Variants in DSCAML1 observed in about 807,000 individuals in gnomAD.
DSCAML1 encodes cell adhesion molecule DSCAML1.
DSCAML1 carries 38 observed loss-of-function variants against 200.5 expected under a neutral mutation model. That is an observed-to-expected ratio of 0.19 (90% CI 0.15 to 0.25). The LOEUF (loss-of-function observed/expected upper bound fraction) is 0.25, where lower values mean the gene tolerates loss of function less well. Among genes scored for constraint, DSCAML1 ranks in the 10% least tolerant of loss-of-function variants. DSCAML1 has a pLI of 1.00. For missense variants in DSCAML1, 2,223 were observed against 2,858.8 expected, an observed-to-expected ratio of 0.78 and a Z score of 5.07; for synonymous variants, 1,215 against 1,165.0, an observed-to-expected ratio of 1.04 and a Z score of -0.87.
At chr11:117,701,930 A>T (rs978956974) in intron 3 of DSCAML1, among the ~76,000 whole-genome samples, 10 of 152,192 alleles carry the variant, frequency 6.6e-5, no homozygotes, top group African/African-American at 2.4e-4. Flanking sequence ...GGTGCAGGGT[A>T]AACAGACAGC....
chr11:117,592,427 G>C (rs2051276241), intron 3 of DSCAML1, among the ~76,000 whole-genome samples: 1 of 152,064 alleles, frequency 6.6e-6, no homozygotes, highest in African/African-American at 2.4e-5. Flanking sequence ...GCATGTCCAG[G>C]CTCTTCCATT....
intron 3 of DSCAML1, 36 bp from the exon 4 acceptor site, chr11:117,532,558 C>T (rs1334415365): frequency 6.9e-6 from 11 of 1,596,470 alleles, no homozygotes; most frequent in Middle Eastern, 1.7e-4. Context: ...CGTTACTTCC[C>T]GGTTTCGTAC....
Position 117,428,707 on chromosome 11 carries a change from G to T in DSCAML1, c.5783C>A (p.Ala1928Asp), listed in dbSNP as rs1221202658. The change falls in exon 33 of 33, where the codon GCC (alanine) becomes GAC (aspartate). Residue 1928 changes from alanine (A) to aspartate (D), a missense_variant. This residue lies in a region of DSCAML1 where 280 missense variants were observed against 213.4 expected (regional missense o/e 1.31). Transcript: ENST00000651296. ...GGTTCGAGCCAGGTTCCGGATGGAG[G>T]CCTCACGGGGTGGGACCACGGGGCA... ...EPCPVVPPRE[A>D]SIRNLARTYH... 1 of 1,613,216 alleles carries T rather than the reference G, an allele frequency of 6.2e-7. No individual in the cohort carries two copies. The highest frequency in any genetic ancestry group is 1.7e-5 in the Admixed American group (1 of 59,932).
intron 11 of DSCAML1, among the ~76,000 whole-genome samples, chr11:117,486,031 A>G (rs929281117): frequency 4.6e-5 from 7 of 152,372 alleles, no homozygotes; most frequent in African/African-American, 1.7e-4. Context: ...GTGCCAGGTA[A>G]TAAGGACTAC....
At chr11:117,704,260 A>T (rs11828302) in intron 3 of DSCAML1, among the ~76,000 whole-genome samples, 9,044 of 152,004 alleles carry the variant, frequency 0.059, 382 homozygotes, top group East Asian at 0.13. Flanking sequence ...AATGATAAAA[A>T]CTTAATTATC....
intron 32 of DSCAML1, among the ~76,000 whole-genome samples, chr11:117,429,259 C>T (rs2047734094): frequency 6.6e-6 from 1 of 152,186 alleles, no homozygotes; most frequent in Non-Finnish European, 1.5e-5. Flanking sequence ...CCTGTCGCCT[C>T]CCCACCATGG....
chr11:117,475,159 C>T (rs1035283814), intron 14 of DSCAML1, among the ~76,000 whole-genome samples: 1 of 152,148 alleles, frequency 6.6e-6, no homozygotes, highest in African/African-American at 2.4e-5. Flanking sequence ...TCTTCCCTAG[C>T]TCTCCACGTG....
At chr11:117,698,238 T>C (rs546898942) in intron 3 of DSCAML1, among the ~76,000 whole-genome samples, 2 of 152,344 alleles carry the variant, frequency 1.3e-5, no homozygotes, top group African/African-American at 2.4e-5. Context: ...TTCAATTCTT[T>C]TGGGAATCTA....
Position 117,431,713 on chromosome 11 carries a change from T to C in DSCAML1, c.5195A>G (p.Lys1732Arg). ...IRPGTNPVSRKNVKSAHSTRN... is the reference protein window; with the variant it reads ...IRPGTNPVSRRNVKSAHSTRN... ...GGTGCTGTGGGCTGACTTCACATTC[T>C]TCCTGGACACTGGATCTGCACAGAC... The change falls in exon 31 of 33, where the codon AAG becomes AGG. Residue 1732 changes from lysine to arginine, a missense_variant. This residue lies in a region of DSCAML1 where 614 missense variants were observed against 739.1 expected (regional missense o/e 0.83). Coordinates refer to ENST00000651296, the MANE Select transcript of DSCAML1 (RefSeq NM_020693.4). The C allele has an allele frequency of 6.3e-7, 1 of 1,586,894 alleles. No homozygotes were observed. Among genetic ancestry groups the C allele is most frequent in the Non-Finnish European group, 8.6e-7 (1 of 1,164,520 alleles).
rs555002352 is a variant in DSCAML1, at chr11:117,815,861, C to T, written c.-250+1529G>A. On this transcript the variant is annotated intron_variant, in intron 1 of 2. Transcript: ENST00000525836. ...CGCCCTGCCAGGGGACCCTAAGTCT[C>T]CCTAAATTCTGAGCTTGCCTTCACA... Among the ~76,000 whole-genome samples the T allele has an allele frequency of 2.5e-4, 38 of 151,216 alleles. No homozygotes were observed. The South Asian group carries it at 2.7e-3, about 11-fold the overall frequency.
rs1214689953 is a variant in DSCAML1 at position 117,489,805 on chromosome 11, T to C, written c.2360-7643A>G. Among the ~76,000 whole-genome samples, 1 of 152,232 alleles carries C rather than the reference T, an allele frequency of 6.6e-6. No individual in the cohort carries two copies. ...CCTCTCCTGCGGGGCATCCCCTGCATGGCACGTGTCCTCCGGCAGCGTCCT... is the reference window on the plus strand; with the variant it reads ...CCTCTCCTGCGGGGCATCCCCTGCACGGCACGTGTCCTCCGGCAGCGTCCT... On this transcript the variant is annotated intron_variant, in intron 11 of 32. Coordinates refer to ENST00000651296, the MANE Select transcript of DSCAML1 (RefSeq NM_020693.4). This position sits in a 1 kb window ranked among gnomAD's most constrained non-coding sequence, Gnocchi z 4.8.
At chr11:117,691,133 TGA>T (rs539685951) in intron 3 of DSCAML1, among the ~76,000 whole-genome samples, 28 of 152,282 alleles carry the variant, frequency 1.8e-4, no homozygotes, top group African/African-American at 6.3e-4. Flanking sequence ...AGGGTGATAA[TGA>T]GTGGGCTGTC....
chr11:117,768,145 A>G (rs543094348), intron 3 of DSCAML1, among the ~76,000 whole-genome samples: 71 of 152,298 alleles, frequency 4.7e-4, no homozygotes, highest in African/African-American at 1.6e-3. Flanking sequence ...AAGCACTTGG[A>G]GCAAATTAGA....
At chr11:117,783,147 GT>G (rs1457445692) in intron 1 of DSCAML1, among the ~76,000 whole-genome samples, 1 of 152,138 alleles carries the variant, frequency 6.6e-6, no homozygotes, top group Non-Finnish European at 1.5e-5. Context: ...CCTGGGAGCG[GT>G]TTCTGTTGGA....
intron 23 of DSCAML1, 140 bp from the exon 24 acceptor site, chr11:117,439,123 T>C: frequency 7.3e-7 from 1 of 1,363,318 alleles, no homozygotes; most frequent in Non-Finnish European, 1.0e-6. Context: ...TGCCTCCCCT[T>C]CCATGTGCAC....
In DSCAML1 at chr11:117,480,672, A is replaced by G; in HGVS notation, c.2657-101T>C. On this transcript the variant is annotated intron_variant, in intron 13 of 32. Transcript: ENST00000651296. This position sits in a 1 kb window ranked among gnomAD's most constrained non-coding sequence, Gnocchi z 4.1. ...TGGCATCACCTGGGTCTAGCCAAGG[A>G]CTCTGGCACCCTAGGGTTTGAGCAG... The G allele has an allele frequency of 7.2e-7, 1 of 1,397,978 alleles. No individual in the cohort carries two copies. Among genetic ancestry groups the G allele is most frequent in the Non-Finnish European group, 9.7e-7 (1 of 1,027,060 alleles). 86.6% of individuals were successfully genotyped at this position (1,397,978 alleles called of 1,614,324 possible).
At chr11:117,627,282 C>T (rs2052067541) in intron 3 of DSCAML1, among the ~76,000 whole-genome samples, 1 of 152,110 alleles carries the variant, frequency 6.6e-6, no homozygotes, top group Non-Finnish European at 1.5e-5. Context: ...ACAAGTAACC[C>T]CGCCTCTTCT....
chr11:117,450,889 C>G (rs1295039623), intron 19 of DSCAML1, among the ~76,000 whole-genome samples: 2 of 152,138 alleles, frequency 1.3e-5, no homozygotes, highest in Non-Finnish European at 2.9e-5. Flanking sequence ...GGAATTGTAA[C>G]GAAGTCTCTG....
In DSCAML1 at chr11:117,702,565, G is replaced by A. The variant is rs181581475; in HGVS notation, c.511+74226C>T. Among the ~76,000 whole-genome samples the A allele has an allele frequency of 7.3e-3, 1,114 of 152,116 alleles. 6 individuals carry two copies. Among genetic ancestry groups the A allele is most frequent in the Non-Finnish European group, 0.012 (798 of 68,008 alleles). On this transcript the variant is annotated intron_variant, in intron 3 of 32. Transcript: ENST00000651296. Reference sequence around the variant, plus strand: ...GCAATTCCCATTCCACACTGTCACTGTTGATTTATTGCTCCCTGAAAATGA... The same window carrying A: ...GCAATTCCCATTCCACACTGTCACTATTGATTTATTGCTCCCTGAAAATGA...
Sources: gnomAD v4.1 joint callset for allele counts (sites outside exome capture counted in the v4.1 genomes callset) on GRCh38, gnomAD v4.1.1 for gene constraint, gnomAD v4.1.1 regional missense constraint, Gnocchi (gnomAD v3.1) non-coding constraint, MANE v1.5 for transcripts, NCBI Gene and HGNC (gene_info 2026-07-23, HGNC 2026-07-21) for gene names.